The following DMTF1 variants were observed in gnomAD, a reference collection of about 807,000 sequenced individuals.
DMTF1 encodes the protein cyclin D binding myb like transcription factor 1.
In DMTF1, 39 loss-of-function variants were observed where a neutral mutation model predicts 91.1. The observed-to-expected ratio is 0.43, with a 90% CI of 0.33 to 0.56. The LOEUF (loss-of-function observed/expected upper bound fraction) is 0.56, where lower values mean the gene tolerates loss of function less well. DMTF1 is among the 20% of genes least tolerant of loss of function. The pLI, the probability that DMTF1 is intolerant of heterozygous loss-of-function variation, is 0.05. For missense variants in DMTF1, 750 were observed against 914.5 expected (o/e 0.82, Z 2.32); for synonymous variants, 338 against 309.5 (o/e 1.09, Z -0.97).
chr7:87,167,350 A>G (rs1445922676), intron 4 of DMTF1, among the ~76,000 whole-genome samples: 3 of 152,222 alleles, frequency 2.0e-5, no homozygotes, highest in African/African-American at 7.2e-5. Context: ...CAACTGCAAC[A>G]TTAGGTTGTA....
Position 87,188,128 on chromosome 7 carries a change from A to C in DMTF1, c.1238A>C (p.Gln413Pro), listed in dbSNP as rs1798873967. 6.2e-7 allele frequency: 1 copy of C among 1,613,736 alleles called. No homozygotes were observed. The highest frequency in any genetic ancestry group is 8.5e-7 in the Non-Finnish European group (1 of 1,179,744). ...GGTCTTAAACAGTTACATGAGAACC[A>C]AAAAAACAACCCAACGCTTTTGGAG... Reference protein sequence around the residue: ...IKGLKQLHENQKNNPTLLENK... With the variant: ...IKGLKQLHENPKNNPTLLENK... Residue 413 changes from glutamine to proline, a missense_variant, in exon 13 of 18, where the codon CAA becomes CCA. Coordinates refer to ENST00000331242, the MANE Select transcript of DMTF1 (RefSeq NM_001142327.2).
chr7:87,175,372 T>A (rs1279895580), intron 7 of DMTF1, among the ~76,000 whole-genome samples: 4 of 152,100 alleles, frequency 2.6e-5, no homozygotes, highest in African/African-American at 7.2e-5. Flanking sequence ...CCTTACCTTT[T>A]AAAAAAAATC....
intron 13 of DMTF1, 95 bp downstream of exon 13, chr7:87,188,396 AT>A: frequency 7.5e-7 from 1 of 1,335,600 alleles, no homozygotes; most frequent in East Asian, 2.3e-5. Context: ...GTTAATAGAA[AT>A]TTACCCAAGT....
Position 87,174,660 on chromosome 7 carries a change from C to A in DMTF1, c.510C>A (p.Arg170=). ...EIDILMNNIE[R]YLKARGIKDA... ...ATATTTTGATGAACAATATTGAACG[C>A]TATCTTAAGGTATCTTATGGCATAT... The change falls in exon 7 of 18, where the codon CGC becomes CGA. Residue 170 remains arginine (R), a synonymous_variant. Coordinates refer to ENST00000331242, the MANE Select transcript of DMTF1 (RefSeq NM_001142327.2). The A allele has an allele frequency of 6.2e-7, 1 of 1,604,916 alleles. No homozygotes were observed. The highest frequency in any genetic ancestry group is 8.5e-7 in the Non-Finnish European group (1 of 1,174,448).
intron 2 of DMTF1, chr7:87,164,359 G>C (rs1584244143): frequency 6.6e-6 from 1 of 152,148 alleles, no homozygotes; most frequent in Admixed American, 6.5e-5. Flanking sequence ...GATGTTCAAA[G>C]TTACCTGTTT....
At chr7:87,154,459 T>G (rs1790153421) in intron 1 of DMTF1, 1 of 152,666 alleles carries the variant, frequency 6.6e-6, no homozygotes, top group African/African-American at 2.4e-5. Flanking sequence ...GTGAATCTCT[T>G]TAATTGGTTG....
intron 12 of DMTF1, 137 bp from the exon 13 acceptor site, chr7:87,187,949 CTTATTT>C: frequency 3.3e-6 from 2 of 604,644 alleles, no homozygotes; most frequent in Non-Finnish European, 5.9e-6. Flanking sequence ...TTTAAAATAT[CTTATTT>C]TTATAAGCTC....
chr7:87,156,962 A>G (rs984703381), intron 1 of DMTF1, among the ~76,000 whole-genome samples: 2 of 152,166 alleles, frequency 1.3e-5, no homozygotes, highest in African/African-American at 4.8e-5. Context: ...AGTAGTAATG[A>G]TACTGGAAAA....
chr7:87,154,958 C>T (rs966158093), intron 1 of DMTF1, among the ~76,000 whole-genome samples: 1 of 152,190 alleles, frequency 6.6e-6, no homozygotes, highest in East Asian at 1.9e-4. Flanking sequence ...TCTCCAAAAT[C>T]TACAGACTCT....
rs551436085 is a variant in DMTF1 at position 87,188,654 on chromosome 7, G to C, written c.1411+353G>C. Among the ~76,000 whole-genome samples the C allele has an allele frequency of 3.9e-5, 6 of 152,210 alleles. No homozygotes were observed. The South Asian group carries it at 1.2e-3, about 32-fold the overall frequency. ...GCAAAGAAATAGAATTCACCAACTG[G>C]TATGTCGTGTAGTAATTTCACTAGA... On this transcript the variant is annotated intron_variant, in intron 13 of 17. Coordinates refer to ENST00000331242, the MANE Select transcript of DMTF1 (RefSeq NM_001142327.2).
At chr7:87,155,341 A>G (rs1790394616) in intron 1 of DMTF1, 2 of 152,164 alleles carry the variant, frequency 1.3e-5, no homozygotes, top group Admixed American at 1.3e-4. Flanking sequence ...CTGCCTTTCC[A>G]AAATGGAGTT....
rs1239683087 is a variant in DMTF1 at position 87,193,791 on chromosome 7, C to G, written c.1717C>G (p.Gln573Glu). 3 of 1,612,826 alleles carry G rather than the reference C, an allele frequency of 1.9e-6. No individual in the cohort carries two copies. Among genetic ancestry groups the G allele is most frequent in the Admixed American group, 1.7e-5 (1 of 59,910 alleles). The stretch of plus-strand genomic sequence containing the variant: ...GTGTCACACACCAAGAGTCATCATT[C>G]AGACTGTTGCCACAGAGGACATCAC... The part of the protein sequence containing the change: ...VQCHTPRVII[Q>E]TVATEDITSS... The change falls in exon 16 of 18, where the codon CAG becomes GAG. Residue 573 changes from glutamine to glutamate, a missense_variant. Transcript: ENST00000331242.
At chr7:87,165,762 C>A (rs1019841127) in intron 3 of DMTF1, among the ~76,000 whole-genome samples, 13 of 152,146 alleles carry the variant, frequency 8.5e-5, no homozygotes, top group African/African-American at 1.9e-4. Context: ...CTGTGAATTT[C>A]ATTACTTAGT....
At chr7:87,193,110 A>C in intron 14 of DMTF1, 88 bp from the exon 15 acceptor site, 1 of 1,401,348 alleles carries the variant, frequency 7.1e-7, no homozygotes, top group East Asian at 2.3e-5. Flanking sequence ...GGGTAAGTAC[A>C]TTTGTGTCTA....
chr7:87,168,723 C>A (rs1045263570), intron 4 of DMTF1, among the ~76,000 whole-genome samples: 11 of 152,178 alleles, frequency 7.2e-5, no homozygotes, highest in Non-Finnish European at 4.4e-5. Context: ...ATGGCACAAG[C>A]AGGCTGACTA....
At chr7:87,184,929 G>T in intron 11 of DMTF1, 1 of 500,180 alleles carries the variant, frequency 2.0e-6, no homozygotes, top group Non-Finnish European at 3.9e-6. Flanking sequence ...CTTTTCCACT[G>T]TCCCACCAAT....
chr7:87,153,469 C>T (rs887054558), intron 1 of DMTF1, among the ~76,000 whole-genome samples: 5 of 152,072 alleles, frequency 3.3e-5, no homozygotes, highest in African/African-American at 1.2e-4. Flanking sequence ...GGCCAAGTGC[C>T]CTTTTGTGCA....
Position 87,165,004 on chromosome 7 carries a change from G to C in DMTF1, c.63G>C (p.Leu21Phe), listed in dbSNP as rs752360561. The change falls in exon 3 of 18, where the codon TTG becomes TTC. Residue 21 changes from leucine (L) to phenylalanine (F), a missense_variant. Physicochemically the swap from Leu to Phe is conservative, Grantham distance 22. Transcript: ENST00000331242. The stretch of plus-strand genomic sequence containing the variant: ...TAGAAACTGTGAACTCTGTGACTTT[G>C]ACTCAGGACACAGAAGGGAATCTCA... ...VTVETVNSVT[L>F]TQDTEGNLIL... 1 of 1,610,762 alleles carries C rather than the reference G, an allele frequency of 6.2e-7. No individual in the cohort carries two copies. The highest frequency in any genetic ancestry group is 1.7e-5 in the Admixed American group (1 of 59,586).
chr7:87,164,993 T>C lies in DMTF1; in HGVS notation c.52T>C (p.Ser18Pro), dbSNP rs1375405223. ...CACAGTAACAGTAGAAACTGTGAACTCTGTGACTTTGACTCAGGACACAGA... is the reference window on the plus strand; with the variant it reads ...CACAGTAACAGTAGAAACTGTGAACCCTGTGACTTTGACTCAGGACACAGA... Reference protein sequence around the residue: ...SDTVTVETVNSVTLTQDTEGN... With the variant: ...SDTVTVETVNPVTLTQDTEGN... The change falls in exon 3 of 18, where the codon TCT becomes CCT. Residue 18 changes from serine (S) to proline (P), a missense_variant. Coordinates refer to ENST00000331242, the MANE Select transcript of DMTF1 (RefSeq NM_001142327.2). 1 of 1,611,044 alleles carries C rather than the reference T, an allele frequency of 6.2e-7. No homozygotes were observed. Among genetic ancestry groups the C allele is most frequent in the Non-Finnish European group, 8.5e-7 (1 of 1,178,616 alleles).
Sources: allele counts gnomAD v4.1 joint callset (sites outside exome capture counted in the v4.1 genomes callset), GRCh38; gene constraint gnomAD v4.1.1; transcripts MANE v1.5; gene names NCBI Gene and HGNC (gene_info 2026-07-23, HGNC 2026-07-21).